KIF3B: variants seen among roughly 807,000 people sequenced by gnomAD.
KIF3B encodes kinesin-like protein KIF3B.
KIF3B carries 38 observed loss-of-function variants against 74.3 expected under a neutral mutation model. The ratio of observed to expected loss-of-function variants is 0.51; its 90% CI spans 0.39 to 0.67. KIF3B has a LOEUF of 0.67. KIF3B is among the 30% of genes least tolerant of loss of function. The probability of loss-of-function intolerance (pLI) is 0.00; values close to 1 mark genes in which losing one functional copy is unlikely to be tolerated. For missense variants in KIF3B, 649 were observed against 932.0 expected, an observed-to-expected ratio of 0.70 and a Z score of 3.95; for synonymous variants, 326 against 342.5, an observed-to-expected ratio of 0.95 and a Z score of 0.53.
At chr20:32,300,757 A>G (rs573979633) in intron 1 of KIF3B, among the ~76,000 whole-genome samples, 5 of 152,300 alleles carry the variant, frequency 3.3e-5, no homozygotes, top group Admixed American at 3.3e-4. Flanking sequence ...GCAGGAAGCA[A>G]TCTTGTCCAT....
intron 1 of KIF3B, among the ~76,000 whole-genome samples, chr20:32,283,655 C>A (rs1042260180): frequency 1.3e-5 from 2 of 151,712 alleles, no homozygotes; most frequent in African/African-American, 4.8e-5. Flanking sequence ...ACTGAAAATA[C>A]AAAAATTAGT....
chr20:32,287,872 C>CTTTT lies in KIF3B; in HGVS notation c.-66+10132_-66+10135dup, dbSNP rs10699896. 3.6e-4 allele frequency among the ~76,000 whole-genome samples: 17 copies of CTTTT among 47,498 alleles called. 2 individuals carry two copies. The highest frequency in any genetic ancestry group is 9.5e-4 in the African/African-American group (11 of 11,536). The allele number at this position is 47,498 out of a possible 152,430, so 31.2% of individuals were successfully genotyped here. A position where few individuals can be genotyped will look rare whatever the true frequency, so the allele number is the denominator to read the frequency against. On this transcript the variant is annotated intron_variant, in intron 1 of 8. Coordinates refer to ENST00000375712, the MANE Select transcript of KIF3B (RefSeq NM_004798.4). ...CCTTCTTAGGATCCTCTAAAAGTAT[C>CTTTT]TTTTTTTTTTTTTTTTTTTTTTTTT...
chr20:32,291,406 G>A (rs2047690585), intron 1 of KIF3B, among the ~76,000 whole-genome samples: 1 of 151,838 alleles, frequency 6.6e-6, no homozygotes, highest in African/African-American at 2.4e-5. Flanking sequence ...GCAGTTCTCA[G>A]CACTTGGCAA....
intron 5 of KIF3B, among the ~76,000 whole-genome samples, chr20:32,317,177 CG>C (rs1365632737): frequency 6.6e-6 from 1 of 152,078 alleles, no homozygotes; most frequent in Non-Finnish European, 1.5e-5. Flanking sequence ...GTGGAGATTG[CG>C]GTGAGTTGAT....
intron 1 of KIF3B, among the ~76,000 whole-genome samples, chr20:32,289,963 C>T (rs2047683759): frequency 6.6e-6 from 1 of 152,096 alleles, no homozygotes; most frequent in Non-Finnish European, 1.5e-5. Flanking sequence ...GCAGAGTTAC[C>T]ACTTGTGGGC....
chr20:32,330,140 G>A lies in KIF3B; in HGVS notation c.1969-1G>A. The A allele has an allele frequency of 6.2e-7, 1 of 1,611,678 alleles. No individual in the cohort carries two copies. Among genetic ancestry groups the A allele is most frequent in the Non-Finnish European group, 8.5e-7 (1 of 1,178,818 alleles). On this transcript the variant is annotated splice_acceptor_variant, in intron 7 of 8. Transcript: ENST00000375712. LOFTEE classifies it high-confidence loss of function. The stretch of plus-strand genomic sequence containing the variant: ...AGCTGGTGATGGCTGTGCTTCTGCA[G>A]GCAGAAAACATTGTGCTGTTAGAGC...
At chr20:32,307,103 G>A (rs149566680) in intron 1 of KIF3B, among the ~76,000 whole-genome samples, 219 of 152,110 alleles carry the variant, frequency 1.4e-3, no homozygotes, top group African/African-American at 5.0e-3. Context: ...AAAAATAAGC[G>A]GAAGGTACAC....
chr20:32,288,572 T>C (rs1463925341), intron 1 of KIF3B, among the ~76,000 whole-genome samples: 1 of 152,134 alleles, frequency 6.6e-6, no homozygotes, highest in East Asian at 1.9e-4. Context: ...CTCACCTTCT[T>C]TTTAGTCTTC....
At chr20:32,319,397 G>A (rs898088366) in intron 5 of KIF3B, among the ~76,000 whole-genome samples, 52 of 151,032 alleles carry the variant, frequency 3.4e-4, no homozygotes, top group African/African-American at 1.2e-3. Context: ...ATCCTTTCAC[G>A]GGCTTATTGG....
intron 6 of KIF3B, 108 bp downstream of exon 6, chr20:32,326,992 G>T: frequency 3.2e-6 from 2 of 631,804 alleles, no homozygotes. Context: ...ACACAGTTTG[G>T]CTTATTTAAA....
intron 5 of KIF3B, among the ~76,000 whole-genome samples, chr20:32,323,098 A>G (rs1307315119): frequency 9.3e-6 from 1 of 107,348 alleles, no homozygotes; most frequent in Non-Finnish European, 1.8e-5. Context: ...TTATATTTAT[A>G]TATTTATATA....
intron 1 of KIF3B, among the ~76,000 whole-genome samples, chr20:32,292,699 G>A (rs2047698740): frequency 6.6e-6 from 1 of 151,928 alleles, no homozygotes; most frequent in South Asian, 2.1e-4. Context: ...CGAGGCTGCA[G>A]TAAGCTGAGA....
intron 1 of KIF3B, among the ~76,000 whole-genome samples, chr20:32,295,821 C>G (rs1468891239): frequency 2.0e-5 from 3 of 149,218 alleles, no homozygotes; most frequent in Admixed American, 6.7e-5. Flanking sequence ...CCTAGTAGGT[C>G]CCCTCATTTA....
chr20:32,305,354 ACTGT>A (rs1386125029), intron 1 of KIF3B, among the ~76,000 whole-genome samples: 36 of 151,932 alleles, frequency 2.4e-4, no homozygotes, highest in Non-Finnish European at 2.9e-5. Context: ...ACAAAGCGAG[ACTGT>A]CTTTTAAAAA....
rs2047795502 is a variant in KIF3B at position 32,310,658 on chromosome 20, A to G, written c.881A>G (p.Asp294Gly). 1.2e-6 allele frequency: 2 copies of G among 1,613,948 alleles called. No individual in the cohort carries two copies. Among genetic ancestry groups the G allele is most frequent in the Middle Eastern group, 1.6e-4 (1 of 6,082 alleles). ...AAAAGCACTCACATTCCATATCGGG[A>G]CTCAAAGCTTACCAGGCTCCTCCAA... is the stretch of plus-strand genomic sequence containing the variant. Reference protein sequence around the residue: ...DGKSTHIPYRDSKLTRLLQDS... With the variant: ...DGKSTHIPYRGSKLTRLLQDS... The change falls in exon 2 of 9, where the codon GAC becomes GGC. Residue 294 changes from aspartate (D) to glycine (G), a missense_variant. By Grantham distance (94) the Asp-to-Gly change is moderately conservative. Transcript: ENST00000375712. This position sits in a 1 kb window ranked among gnomAD's most constrained non-coding sequence, Gnocchi z 6.5.
intron 1 of KIF3B, among the ~76,000 whole-genome samples, chr20:32,302,581 T>TC (rs545473414): frequency 2.0e-5 from 3 of 152,182 alleles, no homozygotes; most frequent in Non-Finnish European, 4.4e-5. Context: ...CTCCGCCTTC[T>TC]CAGAAGTCTG....
At chr20:32,303,899 G>A (rs2047756608) in intron 1 of KIF3B, among the ~76,000 whole-genome samples, 2 of 151,498 alleles carry the variant, frequency 1.3e-5, no homozygotes, top group Admixed American at 1.3e-4. Context: ...TGTTATTCTA[G>A]TGATGTTTAA....
At chr20:32,316,482 A>G (rs2047828185) in intron 3 of KIF3B, 45 bp from the exon 4 acceptor site, 2 of 1,612,134 alleles carry the variant, frequency 1.2e-6, no homozygotes, top group Non-Finnish European at 1.7e-6. Context: ...CCCAGCATAG[A>G]CACAGTCTCT....
At position 32,315,102 on chromosome 20, in the gene KIF3B, A is replaced by G. The variant is rs1377707171; in HGVS notation, c.1405-1116A>G. On this transcript the variant is annotated intron_variant, in intron 2 of 8. Coordinates refer to ENST00000375712, the MANE Select transcript of KIF3B (RefSeq NM_004798.4). Reference sequence around the variant, plus strand: ...GCCTAGCCCAGGCCTAGACCCCTGCAGTGGCTTCCTGTCATGTCTCCCTCC... The same window carrying G: ...GCCTAGCCCAGGCCTAGACCCCTGCGGTGGCTTCCTGTCATGTCTCCCTCC... Among the ~76,000 whole-genome samples, 4 of 152,190 alleles carry G rather than the reference A, an allele frequency of 2.6e-5. No individual in the cohort carries two copies. In the East Asian group the frequency reaches 5.8e-4, roughly 22 times the overall value.
Sources: allele counts gnomAD v4.1 joint callset (sites outside exome capture counted in the v4.1 genomes callset), GRCh38; gene constraint gnomAD v4.1.1; non-coding constraint Gnocchi (gnomAD v3.1); transcripts MANE v1.5; gene names NCBI Gene and HGNC (gene_info 2026-07-23, HGNC 2026-07-21).